The following PDXDC1 variants were observed in gnomAD, a reference collection of about 807,000 sequenced individuals.
The protein encoded by PDXDC1 is pyridoxal dependent decarboxylase domain containing 1, also known as pyridoxal-dependent decarboxylase domain-containing protein 1.
Under a neutral mutation model 100.1 loss-of-function variants are expected in PDXDC1, and 42 were observed. The observed-to-expected ratio is 0.42, with a 90% CI of 0.33 to 0.54. The LOEUF is 0.54. PDXDC1 is among the 20% of genes least tolerant of loss of function. The pLI is 0.10. For synonymous variants in PDXDC1, 260 were observed against 371.7 expected (o/e 0.70, Z 3.46); for missense variants, 636 against 979.2 (o/e 0.65, Z 4.68).
chr16:15,048,157 A>G (rs2044151204), intron 16 of PDXDC1: 4 of 1,282,944 alleles, frequency 3.1e-6, no homozygotes, highest in Non-Finnish European at 4.5e-6. Context: ...TGGAAAAACT[A>G]AAGATGTGGA....
intron 16 of PDXDC1, chr16:15,133,870 G>C: frequency 6.5e-7 from 1 of 1,542,280 alleles, no homozygotes; most frequent in South Asian, 1.2e-5. Context: ...GAGCCCCCCA[G>C]CGGCGGGCGG....
intron 5 of PDXDC1, 130 bp from the exon 6 acceptor site, chr16:15,006,264 T>C (rs1297601295): frequency 2.8e-6 from 2 of 706,012 alleles, no homozygotes; most frequent in East Asian, 5.7e-5. Flanking sequence ...ATGTTTCACA[T>C]TCCTGTCCTC....
At chr16:15,000,217 TC>T (rs1283506804) in intron 3 of PDXDC1, among the ~76,000 whole-genome samples, 3 of 152,296 alleles carry the variant, frequency 2.0e-5, no homozygotes, top group Admixed American at 2.0e-4. Context: ...TCTGTAATTC[TC>T]AGCCTTAAGC....
intron 1 of PDXDC1, among the ~76,000 whole-genome samples, chr16:14,993,881 C>T (rs1246459180): frequency 1.3e-5 from 2 of 152,256 alleles, no homozygotes; most frequent in Admixed American, 1.3e-4. Flanking sequence ...ATTTGCATTT[C>T]TCTGATGGCC....
chr16:14,985,382 G>A (rs1969119146), intron 1 of PDXDC1, among the ~76,000 whole-genome samples: 1 of 151,894 alleles, frequency 6.6e-6, no homozygotes, highest in Non-Finnish European at 1.5e-5. Flanking sequence ...CCGCCTCCCG[G>A]GTTCACGCCA....
At chr16:15,042,209 G>A (rs542599081), downstream of PDXDC1, among the ~76,000 whole-genome samples, 235 of 137,674 alleles carry the variant, frequency 1.7e-3, 1 homozygote, top group African/African-American at 5.8e-3. Context: ...TTTTTGAGAT[G>A]GAGTCTTGCT....
At chr16:15,034,406 G>A in intron 20 of PDXDC1, 28 bp downstream of exon 20, 1 of 1,613,478 alleles carries the variant, frequency 6.2e-7, no homozygotes, top group Non-Finnish European at 8.5e-7. Flanking sequence ...CAGCAGGCTG[G>A]GGGAGCCGCC....
the PDXDC1 span, among the ~76,000 whole-genome samples, chr16:15,150,228 C>A: frequency 6.6e-6 from 1 of 151,978 alleles, no homozygotes; most frequent in Non-Finnish European, 1.5e-5. Context: ...CCAGTCCAGG[C>A]TACTCAGGAG....
chr16:15,044,258 T>C (rs1167801539), intron 16 of PDXDC1: 9 of 980,000 alleles, frequency 9.2e-6, no homozygotes, highest in Non-Finnish European at 1.5e-5. Context: ...TTGTACCAAT[T>C]GGGATTTTTA....
chr16:15,135,649 C>G, intron 16 of PDXDC1: 14 of 1,590,900 alleles, frequency 8.8e-6, no homozygotes, highest in South Asian at 2.2e-5. Context: ...ACGCACTGAC[C>G]TGTGTCGAAG....
intron 16 of PDXDC1, among the ~76,000 whole-genome samples, chr16:15,074,418 ATTC>A (rs2045365459): frequency 6.6e-6 from 1 of 152,180 alleles, no homozygotes; most frequent in South Asian, 2.1e-4. Flanking sequence ...ACCCTACATC[ATTC>A]TTCAGTGCAT....
chr16:14,989,506 G>C lies in PDXDC1; in HGVS notation c.22-8247G>C, dbSNP rs555465860. ...GGGCCGGCAGTGGGCCCCACAGTCTGCAGCGCGGTCACGCGCTCCGTGGGG... is the reference window on the plus strand; with the variant it reads ...GGGCCGGCAGTGGGCCCCACAGTCTCCAGCGCGGTCACGCGCTCCGTGGGG... On this transcript the variant is annotated intron_variant, in intron 1 of 22. Transcript: ENST00000396410. The C allele has an allele frequency of 1.3e-3, 2,174 of 1,612,188 alleles. 1 individual carries two copies. Among genetic ancestry groups the C allele is most frequent in the Non-Finnish European group, 1.6e-3 (1,926 of 1,179,756 alleles).
At chr16:14,995,313 T>C (rs1364060493) in intron 1 of PDXDC1, among the ~76,000 whole-genome samples, 1 of 152,290 alleles carries the variant, frequency 6.6e-6, no homozygotes, top group Non-Finnish European at 1.5e-5. Flanking sequence ...TGAGATATGG[T>C]CCGTCAATAC....
intron 12 of PDXDC1, among the ~76,000 whole-genome samples, chr16:15,020,325 G>A (rs1363761611): frequency 3.9e-5 from 6 of 152,230 alleles, no homozygotes; most frequent in South Asian, 2.1e-4. Context: ...AGTTATGCAC[G>A]TGGGTTGAAA....
chr16:15,031,137 C>CTTA (rs1270155714), intron 16 of PDXDC1, among the ~76,000 whole-genome samples: 1 of 114,212 alleles, frequency 8.8e-6, no homozygotes. Context: ...TTTTTTTTTC[C>CTTA]ATAGAGACGT....
At chr16:15,041,555 C>G, downstream of PDXDC1, 4 of 1,105,142 alleles carry the variant, frequency 3.6e-6, no homozygotes, top group Non-Finnish European at 5.6e-6. Context: ...CTTGGGCCCA[C>G]TGCAAGACTG....
At chr16:15,055,650 C>T in intron 16 of PDXDC1, 2 of 351,060 alleles carry the variant, frequency 5.7e-6, no homozygotes, top group Admixed American at 4.7e-5. Flanking sequence ...GGCAAGTCAC[C>T]TAACCTCTCT....
intron 16 of PDXDC1, chr16:15,065,235 G>C: frequency 6.2e-7 from 1 of 1,613,554 alleles, no homozygotes; most frequent in Non-Finnish European, 8.5e-7. Flanking sequence ...AGCACACAGG[G>C]ATCAAAGGGG....
intron 16 of PDXDC1, chr16:15,094,214 T>C: frequency 6.3e-7 from 1 of 1,595,732 alleles, no homozygotes; most frequent in Non-Finnish European, 8.5e-7. Flanking sequence ...CAAACGCGTG[T>C]GAAGCAGCGG....
Sources: allele counts gnomAD v4.1 joint callset (sites outside exome capture counted in the v4.1 genomes callset), GRCh38; gene constraint gnomAD v4.1.1; transcripts MANE v1.5; gene names NCBI Gene and HGNC (gene_info 2026-07-23, HGNC 2026-07-21).